The following ZNF385B variants were observed in gnomAD, a reference collection of about 807,000 sequenced individuals.
ZNF385B encodes zinc finger protein 385B.
Under a neutral mutation model 39.2 loss-of-function variants are expected in ZNF385B, and 23 were observed. That is an observed-to-expected ratio of 0.59 (90% confidence interval 0.42 to 0.83). The LOEUF (loss-of-function observed/expected upper bound fraction) is 0.83, where lower values mean the gene tolerates loss of function less well. ZNF385B is among the 40% of genes least tolerant of loss of function. The pLI, the probability that ZNF385B is intolerant of heterozygous loss-of-function variation, is 0.00. For synonymous variants in ZNF385B, 205 were observed against 222.6 expected (o/e 0.92, Z 0.70); for missense variants, 552 against 598.9 (o/e 0.92, Z 0.82).
intron 5 of ZNF385B, among the ~76,000 whole-genome samples, chr2:179,492,758 A>G (rs2055384042): frequency 6.6e-6 from 1 of 152,158 alleles, no homozygotes; most frequent in Non-Finnish European, 1.5e-5. Flanking sequence ...CCTAGAAGAT[A>G]TCTTATAATT....
intron 4 of ZNF385B, among the ~76,000 whole-genome samples, chr2:179,529,294 AAAC>A (rs2059118335): frequency 6.6e-6 from 1 of 152,160 alleles, no homozygotes; most frequent in Non-Finnish European, 1.5e-5. Flanking sequence ...TCTTCTAAGA[AAAC>A]TCTGTGCTTT....
At chr2:179,776,149 G>A (rs2106515256) in intron 1 of ZNF385B, among the ~76,000 whole-genome samples, 1 of 152,348 alleles carries the variant, frequency 6.6e-6, no homozygotes, top group Middle Eastern at 3.4e-3. Flanking sequence ...AAGCAGTGAT[G>A]TTGTTCTGAA....
At chr2:179,786,749 T>C (rs540409613) in intron 1 of ZNF385B, among the ~76,000 whole-genome samples, 133 of 152,170 alleles carry the variant, frequency 8.7e-4, no homozygotes, top group African/African-American at 3.1e-3. Flanking sequence ...ATATTTTTTG[T>C]TTTTGTATTT....
rs538376032 is a variant in ZNF385B, at chr2:179,739,662, C to A, written c.298+29841G>T. On this transcript the variant is annotated intron_variant, in intron 3 of 9. Transcript: ENST00000410066. ...CCAGATTTTATTAGTTTGGGTTAATCGTATGATCATGGTGGCTGGCACAAA... is the reference window on the plus strand; with the variant it reads ...CCAGATTTTATTAGTTTGGGTTAATAGTATGATCATGGTGGCTGGCACAAA... 6.6e-5 allele frequency among the ~76,000 whole-genome samples: 10 copies of A among 152,192 alleles called. No individual in the cohort carries two copies. In the East Asian group the frequency reaches 1.7e-3, roughly 26 times the overall value.
chr2:179,852,531 G>A (rs1162098067), intron 1 of ZNF385B, among the ~76,000 whole-genome samples: 1 of 152,166 alleles, frequency 6.6e-6, no homozygotes, highest in African/African-American at 2.4e-5. Flanking sequence ...CATATACCAT[G>A]AGTGAGCTCA....
In ZNF385B at chr2:179,857,641, G is replaced by A. The variant is rs560227506; in HGVS notation, c.-155+3460C>T. Among the ~76,000 whole-genome samples the A allele has an allele frequency of 9.0e-4, 137 of 152,302 alleles. No individual in the cohort carries two copies. In the Middle Eastern group the frequency reaches 0.014, roughly 15 times the overall value. On this transcript the variant is annotated intron_variant, in intron 1 of 9. Coordinates refer to ENST00000410066, the MANE Select transcript of ZNF385B (RefSeq NM_152520.6). ...TCAAGGAGACTTGGGACTCTATGACGATGCCTCAGGACTACTAAGGGTAGG... is the reference window on the plus strand; with the variant it reads ...TCAAGGAGACTTGGGACTCTATGACAATGCCTCAGGACTACTAAGGGTAGG...
intron 3 of ZNF385B, among the ~76,000 whole-genome samples, chr2:179,601,839 C>T (rs1205177834): frequency 6.6e-6 from 1 of 152,142 alleles, no homozygotes; most frequent in Middle Eastern, 3.2e-3. Flanking sequence ...AGCTTTTAAA[C>T]ACCTTTTGCC....
intron 1 of ZNF385B, among the ~76,000 whole-genome samples, chr2:179,826,257 G>A (rs1488050436): frequency 6.6e-6 from 1 of 152,150 alleles, no homozygotes; most frequent in Non-Finnish European, 1.5e-5. Context: ...GGAAGGGGAG[G>A]AGTATTTTAA....
intron 3 of ZNF385B, among the ~76,000 whole-genome samples, chr2:179,755,698 GTCTCTT>G (rs1702970458): frequency 6.6e-6 from 1 of 152,148 alleles, no homozygotes. Flanking sequence ...GGCCTTCTAT[GTCTCTT>G]TTGATCTTTG....
At chr2:179,707,639 T>C (rs1699709311) in intron 3 of ZNF385B, among the ~76,000 whole-genome samples, 1 of 152,328 alleles carries the variant, frequency 6.6e-6, no homozygotes, top group South Asian at 2.1e-4. Flanking sequence ...AGTGCCCTGG[T>C]AGGACAGCCA....
At chr2:179,571,779 C>A (rs1034355024) in intron 3 of ZNF385B, among the ~76,000 whole-genome samples, 3 of 152,042 alleles carry the variant, frequency 2.0e-5, no homozygotes, top group African/African-American at 7.2e-5. Flanking sequence ...AAATCCAGAT[C>A]ATCTCCTGCT....
At chr2:179,592,932 A>G (rs564967916) in intron 3 of ZNF385B, among the ~76,000 whole-genome samples, 1 of 152,254 alleles carries the variant, frequency 6.6e-6, no homozygotes, top group Admixed American at 6.5e-5. Flanking sequence ...TCATATGGGA[A>G]TATGGTCTGT....
At chr2:179,842,854 TAC>T (rs900201248) in intron 1 of ZNF385B, among the ~76,000 whole-genome samples, 2 of 152,196 alleles carry the variant, frequency 1.3e-5, no homozygotes, top group Non-Finnish European at 2.9e-5. Flanking sequence ...AGTGGTCTTT[TAC>T]TGGGAAACAT....
intron 6 of ZNF385B, among the ~76,000 whole-genome samples, chr2:179,458,693 A>G (rs1213157888): frequency 2.0e-5 from 3 of 152,242 alleles, no homozygotes; most frequent in Middle Eastern, 3.4e-3. Context: ...AAAAGAAGGA[A>G]TGACTCTAGC....
rs550330925 is a variant in ZNF385B, at chr2:179,780,796, G to A, written c.-154-10124C>T. Among the ~76,000 whole-genome samples the A allele has an allele frequency of 4.6e-5, 7 of 152,278 alleles. No individual in the cohort carries two copies. The South Asian group carries it at 1.2e-3, about 27-fold the overall frequency. Reference sequence around the variant, plus strand: ...AAAACTGACATTTAGAAATATTTGAGAAATTTTAATTTAGGATAACTTATT... The same window carrying A: ...AAAACTGACATTTAGAAATATTTGAAAAATTTTAATTTAGGATAACTTATT... On this transcript the variant is annotated intron_variant, in intron 1 of 9. Transcript: ENST00000410066.
chr2:179,675,840 T>G (rs574663958), intron 3 of ZNF385B, among the ~76,000 whole-genome samples: 3 of 151,552 alleles, frequency 2.0e-5, no homozygotes, highest in African/African-American at 7.3e-5. Flanking sequence ...CAGGCTAGAG[T>G]GCAGTGGCAT....
At chr2:179,454,700 T>C (rs866327544) in intron 6 of ZNF385B, among the ~76,000 whole-genome samples, 4 of 152,088 alleles carry the variant, frequency 2.6e-5, no homozygotes, top group African/African-American at 7.2e-5. Flanking sequence ...TAGGCTAATA[T>C]GGGTGTTTGT....
chr2:179,741,266 A>T (rs1702069893), intron 3 of ZNF385B, among the ~76,000 whole-genome samples: 1 of 152,188 alleles, frequency 6.6e-6, no homozygotes, highest in South Asian at 2.1e-4. Context: ...TTCTCCTAAC[A>T]CCACATTCTG....
At position 179,780,240 on chromosome 2, in the gene ZNF385B, A is replaced by AT. The variant is rs1575477847; in HGVS notation, c.-154-9569_-154-9568insA. ...TGCTTCATGTTAGAGAATGAACAGC[A>AT]GTACTTCCAGGGTCTCCTTAGCCCC... On this transcript the variant is annotated intron_variant, in intron 1 of 9. Transcript: ENST00000410066. 9.2e-5 allele frequency among the ~76,000 whole-genome samples: 14 copies of AT among 152,322 alleles called. No individual in the cohort carries two copies. The East Asian group carries it at 2.7e-3, about 29-fold the overall frequency.
Sources: gnomAD v4.1 joint callset for allele counts (sites outside exome capture counted in the v4.1 genomes callset) on GRCh38, gnomAD v4.1.1 for gene constraint, MANE v1.5 for transcripts, NCBI Gene and HGNC (gene_info 2026-07-23, HGNC 2026-07-21) for gene names.